Variants in TRPM3 observed in about 807,000 individuals in gnomAD.
TRPM3 encodes long transient receptor potential channel 3.
TRPM3 carries 77 observed loss-of-function variants against 181.2 expected under a neutral mutation model. The ratio of observed to expected loss-of-function variants is 0.42; its 90% CI spans 0.35 to 0.51. The LOEUF is 0.51. Ranked by LOEUF, TRPM3 falls within the 20% of genes least tolerant of loss-of-function variation. The probability of loss-of-function intolerance (pLI) is 0.01; values close to 1 mark genes in which losing one functional copy is unlikely to be tolerated. For synonymous variants in TRPM3, 745 were observed against 796.4 expected (o/e 0.94, Z 1.09); for missense variants, 1,759 against 2,196.7 (o/e 0.80, Z 3.98).
chr9:71,018,639 C>G (rs948838403), intron 1 of TRPM3, among the ~76,000 whole-genome samples: 2 of 151,700 alleles, frequency 1.3e-5, no homozygotes, highest in Non-Finnish European at 3.0e-5. Context: ...AAATCCTATA[C>G]CTTTTTAAGA....
intron 1 of TRPM3, among the ~76,000 whole-genome samples, chr9:71,414,083 A>G (rs962245457): frequency 6.6e-6 from 1 of 152,056 alleles, no homozygotes; most frequent in African/African-American, 2.4e-5. Context: ...AATTTATACC[A>G]TTGTATCGCA....
At chr9:71,019,113 T>C (rs948875807) in intron 1 of TRPM3, among the ~76,000 whole-genome samples, 1 of 151,928 alleles carries the variant, frequency 6.6e-6, no homozygotes, top group African/African-American at 2.4e-5. Flanking sequence ...ATGATAAAGT[T>C]TATCTACAAA....
chr9:71,345,120 A>C (rs1475531543), intron 1 of TRPM3, among the ~76,000 whole-genome samples: 1 of 152,142 alleles, frequency 6.6e-6, no homozygotes, highest in Non-Finnish European at 1.5e-5. Context: ...GGAGAAATAG[A>C]AATGCTTTTA....
chr9:71,121,117 A>G lies in TRPM3; in HGVS notation c.177+61T>C, dbSNP rs2073562576. The G allele has an allele frequency of 1.9e-6, 3 of 1,543,754 alleles. No homozygotes were observed. The East Asian group carries it at 6.8e-5, about 35-fold the overall frequency. On this transcript the variant is annotated intron_variant, in intron 1 of 25. Coordinates refer to ENST00000677713, the MANE Select transcript of TRPM3 (RefSeq NM_001366145.2). ...AGGTGCGTCCCAGCCCAAGTCCCCA[A>G]GTTGGGTATTTAAATCTAAAAAGCA...
chr9:71,311,279 T>G (rs2087904639), intron 1 of TRPM3, among the ~76,000 whole-genome samples: 1 of 152,172 alleles, frequency 6.6e-6, no homozygotes, highest in African/African-American at 2.4e-5. Context: ...ACATCAGAAC[T>G]AATTTTAACA....
intron 1 of TRPM3, among the ~76,000 whole-genome samples, chr9:71,153,949 C>T (rs1386122439): frequency 3.3e-5 from 5 of 152,054 alleles, no homozygotes; most frequent in African/African-American, 4.8e-5. Flanking sequence ...TGTTTTGCAA[C>T]TTGAGGTGTA....
chr9:70,993,667 A>G (rs1026572479), intron 1 of TRPM3, among the ~76,000 whole-genome samples: 7 of 151,170 alleles, frequency 4.6e-5, no homozygotes, highest in Non-Finnish European at 1.0e-4. Flanking sequence ...TTTGACACCA[A>G]GGGGGTGCGT....
At chr9:70,549,521 G>T in intron 25 of TRPM3, 21 bp downstream of exon 25, 1 of 1,602,656 alleles carries the variant, frequency 6.2e-7, no homozygotes, top group Non-Finnish European at 8.5e-7. Context: ...TCTGCAGGAG[G>T]CAGGTGTCCA....
chr9:71,361,621 A>C (rs1023301178), intron 1 of TRPM3, among the ~76,000 whole-genome samples: 3 of 152,186 alleles, frequency 2.0e-5, no homozygotes, highest in African/African-American at 7.2e-5. Flanking sequence ...GTTCATATGC[A>C]AGCTCTCCTT....
At chr9:70,604,226 G>A (rs2060589019) in intron 19 of TRPM3, among the ~76,000 whole-genome samples, 1 of 152,154 alleles carries the variant, frequency 6.6e-6, no homozygotes, top group Non-Finnish European at 1.5e-5. Context: ...CTGGATGTCT[G>A]GGAAGAACTC....
chr9:71,357,756 T>G (rs1334139632), intron 1 of TRPM3, among the ~76,000 whole-genome samples: 1 of 152,120 alleles, frequency 6.6e-6, no homozygotes, highest in African/African-American at 2.4e-5. Context: ...AAATGCATCT[T>G]TTTCTTATCT....
chr9:71,160,599 C>T (rs1229926126), intron 1 of TRPM3, among the ~76,000 whole-genome samples: 1 of 152,118 alleles, frequency 6.6e-6, no homozygotes. Flanking sequence ...ACTTTACTTC[C>T]ACAAAATACA....
At chr9:71,127,712 G>T (rs1254974092) in intron 1 of TRPM3, among the ~76,000 whole-genome samples, 1 of 152,178 alleles carries the variant, frequency 6.6e-6, no homozygotes, top group Non-Finnish European at 1.5e-5. Context: ...TTGTTATCTT[G>T]TTCACGGATA....
chr9:71,069,325 C>T lies in TRPM3; in HGVS notation c.177+51853G>A, dbSNP rs528007657. ...CCGAGTAGCTGGGACTACAGGCATG[C>T]ACCACTGCGCCTGGCTAAATTTTTT... On this transcript the variant is annotated intron_variant, in intron 1 of 25. Coordinates refer to ENST00000677713, the MANE Select transcript of TRPM3 (RefSeq NM_001366145.2). Among the ~76,000 whole-genome samples, 157 of 152,064 alleles carry T rather than the reference C, an allele frequency of 1.0e-3. 1 individual carries two copies. The highest frequency in any genetic ancestry group is 3.5e-3 in the African/African-American group (144 of 41,486).
chr9:71,134,305 C>T (rs1198240353), intron 1 of TRPM3, among the ~76,000 whole-genome samples: 1 of 152,030 alleles, frequency 6.6e-6, no homozygotes, highest in African/African-American at 2.4e-5. Context: ...TGGCTCACGC[C>T]TGTAATCCCA....
intron 22 of TRPM3, among the ~76,000 whole-genome samples, chr9:70,566,420 A>C (rs1445945922): frequency 6.6e-6 from 1 of 152,090 alleles, no homozygotes. Context: ...GGAGAAGAGG[A>C]AAGAGCACCG....
At chr9:70,924,962 G>A (rs955151266) in intron 1 of TRPM3, among the ~76,000 whole-genome samples, 3 of 152,286 alleles carry the variant, frequency 2.0e-5, no homozygotes, top group East Asian at 3.9e-4. Flanking sequence ...ACCTAAGCCA[G>A]AAGCCAGCTT....
intron 1 of TRPM3, among the ~76,000 whole-genome samples, chr9:71,131,433 G>A (rs571016385): frequency 5.3e-4 from 81 of 152,242 alleles, no homozygotes; most frequent in African/African-American, 1.6e-3. Flanking sequence ...CTTAATCTAC[G>A]AATGGAATGT....
At chr9:71,233,062 C>T (rs1392168949) in intron 1 of TRPM3, among the ~76,000 whole-genome samples, 11 of 152,124 alleles carry the variant, frequency 7.2e-5, no homozygotes, top group Non-Finnish European at 1.6e-4. Flanking sequence ...CTGAAAGTGC[C>T]ATATGTAGCT....
Sources: gnomAD v4.1 joint callset for allele counts (sites outside exome capture counted in the v4.1 genomes callset) on GRCh38, gnomAD v4.1.1 for gene constraint, MANE v1.5 for transcripts, NCBI Gene and HGNC (gene_info 2026-07-23, HGNC 2026-07-21) for gene names.